DIXDC1: variants seen among roughly 807,000 people sequenced by gnomAD.
The protein encoded by DIXDC1 is DIX domain containing 1, also known as dixin.
A neutral mutation model predicts 103.1 loss-of-function variants in DIXDC1; 64 were observed. The ratio of observed to expected loss-of-function variants is 0.62; its 90% CI spans 0.51 to 0.76. The LOEUF (loss-of-function observed/expected upper bound fraction) is 0.76, where lower values mean the gene tolerates loss of function less well. Among genes scored for constraint, DIXDC1 ranks in the 30% least tolerant of loss-of-function variants. The pLI is 0.00. For synonymous variants in DIXDC1, 266 were observed against 298.5 expected, an observed-to-expected ratio of 0.89 and a Z score of 1.12; for missense variants, 759 against 834.2, an observed-to-expected ratio of 0.91 and a Z score of 1.11.
intron 1 of DIXDC1, among the ~76,000 whole-genome samples, chr11:111,943,148 A>AT (rs1370435798): frequency 6.6e-6 from 1 of 152,064 alleles, no homozygotes; most frequent in Non-Finnish European, 1.5e-5. Flanking sequence ...CAATTTATTT[A>AT]TTTTTTGAGA....
rs782563469 is a variant in DIXDC1, at chr11:111,986,925, G to A, written c.1062+1G>A. On this transcript the variant is annotated splice_donor_variant, in intron 9 of 19. Coordinates refer to ENST00000440460, the MANE Select transcript of DIXDC1 (RefSeq NM_001037954.4). LOFTEE classifies it high-confidence loss of function. The stretch of plus-strand genomic sequence containing the variant: ...TATGGAGGAGAATCAGGACTTAAAG[G>A]TATGTCAAGACATGTACATTTTACC... 1 of 1,568,098 alleles carries A rather than the reference G, an allele frequency of 6.4e-7. No individual in the cohort carries two copies. Among genetic ancestry groups the A allele is most frequent in the Non-Finnish European group, 8.7e-7 (1 of 1,154,454 alleles).
At chr11:111,979,044 C>T (rs1592589757) in intron 5 of DIXDC1, among the ~76,000 whole-genome samples, 1 of 152,244 alleles carries the variant, frequency 6.6e-6, no homozygotes, top group African/African-American at 2.4e-5. Flanking sequence ...TTGCCACTCC[C>T]TACCCCTCCT....
At position 111,993,656 on chromosome 11, in the gene DIXDC1, G is replaced by A; in HGVS notation, c.1366-13G>A. The A allele has an allele frequency of 2.5e-6, 4 of 1,613,990 alleles. No homozygotes were observed. Among genetic ancestry groups the A allele is most frequent in the Non-Finnish European group, 3.4e-6 (4 of 1,179,880 alleles). ...CAAAGAAATCATTTTCTGATTTAGT[G>A]TCTATTTTGCAGGTGGATCTAGAGC... On this transcript the variant is annotated splice_polypyrimidine_tract_variant and intron_variant, in intron 13 of 19. Transcript: ENST00000440460.
intron 1 of DIXDC1, among the ~76,000 whole-genome samples, chr11:111,961,940 G>GT (rs2137502370): frequency 1.3e-5 from 2 of 152,248 alleles, no homozygotes; most frequent in South Asian, 4.1e-4. Flanking sequence ...TCCTTCAGGA[G>GT]ACCCTCTGAA....
rs1301784093 is a variant in DIXDC1 at position 111,958,445 on chromosome 11, C to T, written c.61-6104C>T. On this transcript the variant is annotated intron_variant, in intron 1 of 19. Transcript: ENST00000440460. This position sits in a 1 kb window ranked among gnomAD's most constrained non-coding sequence, Gnocchi z 4.2. ...CTTGGAGCAAAGTTGAGGCCAAGCC[C>T]GGGCACTGCCACAACCTGGCTGGGT... Among the ~76,000 whole-genome samples, 5 of 152,358 alleles carry T rather than the reference C, an allele frequency of 3.3e-5. No homozygotes were observed. The highest frequency in any genetic ancestry group is 2.1e-4 in the South Asian group (1 of 4,830).
At chr11:111,987,445 A>G (rs936498477) in intron 9 of DIXDC1, among the ~76,000 whole-genome samples, 6 of 152,158 alleles carry the variant, frequency 3.9e-5, no homozygotes, top group African/African-American at 1.4e-4. Context: ...TGGTTGTACC[A>G]TTCTATATGT....
At chr11:111,947,464 G>A (rs1966635238) in intron 1 of DIXDC1, among the ~76,000 whole-genome samples, 1 of 152,198 alleles carries the variant, frequency 6.6e-6, no homozygotes, top group African/African-American at 2.4e-5. Context: ...ACTGCTTTGT[G>A]GGAGAAGTGG....
intron 1 of DIXDC1, among the ~76,000 whole-genome samples, chr11:111,927,580 A>G (rs2137411197): frequency 6.6e-6 from 1 of 151,908 alleles, no homozygotes; most frequent in South Asian, 2.1e-4. Flanking sequence ...CTTAGAGAGG[A>G]GGGGTAACGC....
At chr11:112,003,405 C>G (rs1337183303) in intron 17 of DIXDC1, among the ~76,000 whole-genome samples, 3 of 151,934 alleles carry the variant, frequency 2.0e-5, no homozygotes, top group Non-Finnish European at 4.4e-5. Flanking sequence ...TGAGATCGCA[C>G]CACTGCACTC....
At chr11:111,934,631 C>T (rs117455217), upstream of DIXDC1, among the ~76,000 whole-genome samples, 584 of 152,162 alleles carry the variant, frequency 3.8e-3, 3 homozygotes, top group Middle Eastern at 0.031. Flanking sequence ...ATGGTGGGAT[C>T]GGGAGGATGG....
chr11:111,936,083 G>A (rs1966178366), upstream of DIXDC1, among the ~76,000 whole-genome samples: 1 of 152,184 alleles, frequency 6.6e-6, no homozygotes, highest in Non-Finnish European at 1.5e-5. Flanking sequence ...TACTAATCAG[G>A]ATTTGAGGAG....
At chr11:112,004,302 A>G (rs1480252596) in intron 17 of DIXDC1, among the ~76,000 whole-genome samples, 2 of 152,138 alleles carry the variant, frequency 1.3e-5, no homozygotes, top group African/African-American at 4.8e-5. Flanking sequence ...ACTGCAGGAA[A>G]GGCATGAAGC....
intron 1 of DIXDC1, among the ~76,000 whole-genome samples, chr11:111,954,017 G>A (rs782737674): frequency 2.0e-5 from 3 of 152,084 alleles, no homozygotes; most frequent in East Asian, 1.9e-4. Context: ...ACCAGGGACC[G>A]GTTTCATGGA....
chr11:111,980,788 C>T lies in DIXDC1; in HGVS notation c.708C>T (p.Thr236=), dbSNP rs1325747911. 45 of 1,613,932 alleles carry T rather than the reference C, an allele frequency of 2.8e-5. No homozygotes were observed. The highest frequency in any genetic ancestry group is 3.7e-5 in the Non-Finnish European group (44 of 1,179,872). ...IHSAKSESII[T]QSEEKADFVI... ...GTGCAAAGAGCGAGTCCATTATAAC[C>T]CAGTCAGAAGAGAAGGCAGATTTTG... is the stretch of plus-strand genomic sequence containing the variant. The change falls in exon 6 of 20, where the codon ACC becomes ACT. Residue 236 remains threonine (T), a synonymous_variant. Transcript: ENST00000440460.
chr11:111,991,084 C>T (rs1860697998), intron 10 of DIXDC1, among the ~76,000 whole-genome samples: 1 of 152,228 alleles, frequency 6.6e-6, no homozygotes, highest in Non-Finnish European at 1.5e-5. Context: ...TTTTAAGTGG[C>T]TGCTTTTCCC....
intron 8 of DIXDC1, 136 bp downstream of exon 8, chr11:111,985,457 C>T (rs782246548): frequency 4.5e-6 from 3 of 673,334 alleles, no homozygotes; most frequent in Non-Finnish European, 7.5e-6. Flanking sequence ...ACATTTTTGA[C>T]CATTGTTTCC....
intron 2 of DIXDC1, among the ~76,000 whole-genome samples, chr11:111,966,451 G>A (rs1220279159): frequency 1.4e-5 from 2 of 143,622 alleles, no homozygotes; most frequent in East Asian, 2.0e-4. Flanking sequence ...TGGCCCAGGC[G>A]GGAGTGCAGT....
rs77589871 is a variant in DIXDC1, at chr11:111,937,914, A to C, written c.60+355A>C. ...CAGGGAATCCCTGGATATTTGGCAA[A>C]AGTGCTCATCTATATCAGGAGCTAA... On this transcript the variant is annotated intron_variant, in intron 1 of 19. Coordinates refer to ENST00000440460, the MANE Select transcript of DIXDC1 (RefSeq NM_001037954.4). Among the ~76,000 whole-genome samples the C allele has an allele frequency of 1.6e-3, 245 of 152,302 alleles. 2 individuals carry two copies. Among genetic ancestry groups the C allele is most frequent in the African/African-American group, 5.7e-3 (238 of 41,570 alleles).
Position 111,977,263 on chromosome 11 carries a change from C to T in DIXDC1, c.656+2280C>T, listed in dbSNP as rs868916831. On this transcript the variant is annotated intron_variant, in intron 5 of 19. Transcript: ENST00000440460. This position sits in a 1 kb window ranked among gnomAD's most constrained non-coding sequence, Gnocchi z 6.1. ...TTGGGTCGGAGCCCGGCTGCCTCGC[C>T]GCGTGTGACAGCCCAGGGAGGGAGC... is the stretch of plus-strand genomic sequence containing the variant. 7.0e-6 allele frequency: 7 copies of T among 1,003,086 alleles called. No homozygotes were observed. The highest frequency in any genetic ancestry group is 7.1e-6 in the Non-Finnish European group (6 of 841,894). The allele number at this position is 1,003,086 out of a possible 1,614,324, so 62.1% of individuals were successfully genotyped here.
Sources: allele counts gnomAD v4.1 joint callset (sites outside exome capture counted in the v4.1 genomes callset), GRCh38; gene constraint gnomAD v4.1.1; non-coding constraint Gnocchi (gnomAD v3.1); transcripts MANE v1.5; gene names NCBI Gene and HGNC (gene_info 2026-07-23, HGNC 2026-07-21).